SAMD3: variants seen among roughly 807,000 people sequenced by gnomAD.
SAMD3 encodes the protein sterile alpha motif domain-containing protein 3.
In SAMD3, 63 loss-of-function variants were observed where a neutral mutation model predicts 58.5. The observed-to-expected ratio is 1.08, with a 90% CI of 0.88 to 1.33. The LOEUF is 1.33. Ranked by LOEUF, SAMD3 falls within the 40% of genes most tolerant of loss-of-function variation. SAMD3 has a pLI of 0.00. For synonymous variants in SAMD3, 220 were observed against 210.3 expected (o/e 1.05, Z -0.40); for missense variants, 604 against 608.4 (o/e 0.99, Z 0.08).
At chr6:130,162,427 A>C (rs1014655085) in intron 8 of SAMD3, among the ~76,000 whole-genome samples, 18 of 152,226 alleles carry the variant, frequency 1.2e-4, no homozygotes, top group Non-Finnish European at 2.4e-4. Flanking sequence ...GACTTTTATA[A>C]AGATAACTTT....
At chr6:130,273,431 C>A (rs1463483753) in intron 2 of SAMD3, among the ~76,000 whole-genome samples, 5 of 152,090 alleles carry the variant, frequency 3.3e-5, no homozygotes, top group Non-Finnish European at 7.4e-5. Context: ...AGTTGGGTCT[C>A]TTAAAATTAA....
chr6:130,212,819 A>T (rs1489782311), intron 4 of SAMD3, among the ~76,000 whole-genome samples: 1 of 152,164 alleles, frequency 6.6e-6, no homozygotes, highest in Middle Eastern at 3.2e-3. Context: ...CAAATGTCCT[A>T]CTCATCCCAA....
chr6:130,289,448 G>A (rs1254483199), intron 2 of SAMD3, among the ~76,000 whole-genome samples: 3 of 151,870 alleles, frequency 2.0e-5, no homozygotes, highest in African/African-American at 7.3e-5. Context: ...TGAATTATCT[G>A]ATAAGCGGCA....
At chr6:130,198,774 T>A (rs747083545) in intron 5 of SAMD3, among the ~76,000 whole-genome samples, 13 of 152,092 alleles carry the variant, frequency 8.5e-5, no homozygotes, top group Non-Finnish European at 1.9e-4. Flanking sequence ...CTCTTGAGAA[T>A]TACAAAAAGG....
chr6:130,298,493 A>G (rs7755670), intron 2 of SAMD3, among the ~76,000 whole-genome samples: 17,605 of 152,252 alleles, frequency 0.12, 2,761 homozygotes, highest in African/African-American at 0.36. Context: ...ATCACTTAGC[A>G]ACAGTATGAC....
intron 2 of SAMD3, among the ~76,000 whole-genome samples, chr6:130,241,838 A>T (rs1773368780): frequency 6.6e-6 from 1 of 151,784 alleles, no homozygotes; most frequent in Admixed American, 6.6e-5. Context: ...TTTTTTTTGA[A>T]AGAGGGCATA....
rs182727502 is a variant in SAMD3, at chr6:130,318,990, A to G, written c.-303-5897T>C. 1.6e-3 allele frequency among the ~76,000 whole-genome samples: 240 copies of G among 152,308 alleles called. 1 individual carries two copies. Among genetic ancestry groups the G allele is most frequent in the African/African-American group, 5.5e-3 (230 of 41,562 alleles). ...TCGAATTTCTTAAGGTTAAAATTATAATGTGTGAGATAAAAAGACAGACTG... is the reference window on the plus strand; with the variant it reads ...TCGAATTTCTTAAGGTTAAAATTATGATGTGTGAGATAAAAAGACAGACTG... On this transcript the variant is annotated intron_variant, in intron 1 of 13. Transcript: ENST00000368134.
intron 2 of SAMD3, among the ~76,000 whole-genome samples, chr6:130,303,612 C>CCATT (rs1775821695): frequency 2.0e-5 from 3 of 152,126 alleles, no homozygotes; most frequent in Admixed American, 2.0e-4. Context: ...AATCCACATA[C>CCATT]CATTCATCAG....
chr6:130,142,760 C>A (rs1012340579), downstream of SAMD3: 1 of 152,172 alleles, frequency 6.6e-6, no homozygotes, highest in Non-Finnish European at 1.5e-5. Flanking sequence ...ACCTTGTCAT[C>A]CTGTCATGGC....
chr6:130,261,199 TCAGCAC>T, intron 2 of SAMD3, among the ~76,000 whole-genome samples: 1 of 116,906 alleles, frequency 8.6e-6, no homozygotes, highest in African/African-American at 4.1e-5. Context: ...CGTGCCTTTA[TCAGCAC>T]TTTGGTTTTG....
intron 1 of SAMD3, among the ~76,000 whole-genome samples, chr6:130,362,702 C>T (rs924086750): frequency 1.3e-5 from 2 of 152,164 alleles, no homozygotes; most frequent in Non-Finnish European, 2.9e-5. Flanking sequence ...ATAGATGATT[C>T]TGTATCTAAT....
At chr6:130,345,596 C>A (rs1477002872) in intron 1 of SAMD3, among the ~76,000 whole-genome samples, 1 of 151,814 alleles carries the variant, frequency 6.6e-6, no homozygotes, top group Non-Finnish European at 1.5e-5. Flanking sequence ...CCTGAAACAC[C>A]CCCGAGAGGC....
intron 1 of SAMD3, among the ~76,000 whole-genome samples, chr6:130,335,781 T>C (rs1446089616): frequency 6.6e-6 from 1 of 152,038 alleles, no homozygotes; most frequent in Non-Finnish European, 1.5e-5. Context: ...CCCACAATGA[T>C]AGACTGGATT....
intron 1 of SAMD3, among the ~76,000 whole-genome samples, chr6:130,330,370 A>G (rs573088455): frequency 7.2e-5 from 11 of 152,354 alleles, no homozygotes; most frequent in South Asian, 2.1e-4. Context: ...AAAATAGCCT[A>G]TATGAATTTC....
chr6:130,318,004 C>T (rs1470445727), intron 1 of SAMD3, among the ~76,000 whole-genome samples: 3 of 152,190 alleles, frequency 2.0e-5, no homozygotes, highest in South Asian at 2.1e-4. Context: ...TTGAAAACTA[C>T]GCAGACCTGT....
At chr6:130,349,140 T>C (rs1481760741) in intron 1 of SAMD3, among the ~76,000 whole-genome samples, 4 of 152,026 alleles carry the variant, frequency 2.6e-5, no homozygotes, top group African/African-American at 4.8e-5. Flanking sequence ...AGATCTAAAA[T>C]GGACACCCTA....
At chr6:130,235,920 T>C (rs1319513989) in intron 2 of SAMD3, among the ~76,000 whole-genome samples, 1 of 152,238 alleles carries the variant, frequency 6.6e-6, no homozygotes, top group Non-Finnish European at 1.5e-5. Flanking sequence ...TTATGTTCAC[T>C]CTGTAGTTGA....
intron 10 of SAMD3, 103 bp downstream of exon 10, chr6:130,145,907 A>G: frequency 7.6e-6 from 4 of 529,226 alleles, no homozygotes; most frequent in Admixed American, 4.0e-5. Context: ...TTAAAACTCA[A>G]TAAATGTAAA....
intron 9 of SAMD3, among the ~76,000 whole-genome samples, chr6:130,146,531 C>T (rs945746690): frequency 1.2e-4 from 19 of 152,322 alleles, no homozygotes; most frequent in African/African-American, 4.6e-4. Flanking sequence ...CTTTAGGTGA[C>T]TACATTGTTA....
Sources: allele counts gnomAD v4.1 joint callset (sites outside exome capture counted in the v4.1 genomes callset), GRCh38; gene constraint gnomAD v4.1.1; transcripts MANE v1.5; gene names NCBI Gene and HGNC (gene_info 2026-07-23, HGNC 2026-07-21).